Variants in MSN observed in about 807,000 individuals in gnomAD.
MSN encodes the protein epididymis luminal protein 70.
A neutral mutation model predicts 48.0 loss-of-function variants in MSN; 2 were observed. The observed-to-expected ratio is 0.04, with a 90% confidence interval of 0.02 to 0.13. The LOEUF (loss-of-function observed/expected upper bound fraction) is 0.13, where lower values mean the gene tolerates loss of function less well. MSN is among the 10% of genes least tolerant of loss of function. The probability of loss-of-function intolerance (pLI) is 1.00; values close to 1 mark genes in which losing one functional copy is unlikely to be tolerated. For missense variants in MSN, 267 were observed against 470.1 expected (o/e 0.57, Z 3.99); for synonymous variants, 146 against 166.9 (o/e 0.87, Z 0.97).
chrX:65,736,751 G>A (rs1456448365), intron 8 of MSN, 44 bp from the exon 9 acceptor site: 1 of 1,152,865 alleles, frequency 8.7e-7, no homozygotes, highest in Admixed American at 2.6e-5. Context: ...AGGCTTTTGT[G>A]GAGCGTTGTT....
At chrX:65,593,926 A>C (rs962285134) in intron 1 of MSN, among the ~76,000 whole-genome samples, 1 of 112,329 alleles carries the variant, frequency 8.9e-6, no homozygotes, top group Non-Finnish European at 1.9e-5. Flanking sequence ...ACTCACAGAC[A>C]CCTTGATTGG....
At chrX:65,707,722 C>A (rs1447651284) in intron 1 of MSN, among the ~76,000 whole-genome samples, 1 of 112,448 alleles carries the variant, frequency 8.9e-6, no homozygotes, top group Admixed American at 9.4e-5. Context: ...GAAAAGAAGA[C>A]CATGGGTGCC....
chrX:65,622,713 T>G (rs2070462703), intron 1 of MSN, among the ~76,000 whole-genome samples: 1 of 109,527 alleles, frequency 9.1e-6, no homozygotes, highest in African/African-American at 3.3e-5. Context: ...GACAGGGTTT[T>G]GCTATGTTGG....
intron 1 of MSN, among the ~76,000 whole-genome samples, chrX:65,635,162 C>G (rs1245672646): frequency 9.0e-6 from 1 of 111,367 alleles, no homozygotes; most frequent in Non-Finnish European, 1.9e-5. Flanking sequence ...GCCCCAGTCT[C>G]TTGGACTGTT....
intron 1 of MSN, among the ~76,000 whole-genome samples, chrX:65,695,311 A>G (rs1481366644): frequency 1.8e-5 from 2 of 109,863 alleles, no homozygotes; most frequent in African/African-American, 3.3e-5. Context: ...GACCAGCCTG[A>G]TCAACATGGT....
chrX:65,649,630 C>CGTGTGTATATGTATGTGTGTGTATAT (rs2070725095), intron 1 of MSN, among the ~76,000 whole-genome samples: 1 of 100,790 alleles, frequency 9.9e-6, no homozygotes. Flanking sequence ...TGTGTATGCG[C>CGTGTGTATATGTATGTGTGTGTATAT]GTGTGTATAT....
At chrX:65,702,588 C>T in intron 1 of MSN, among the ~76,000 whole-genome samples, 1 of 110,719 alleles carries the variant, frequency 9.0e-6, no homozygotes, top group Non-Finnish European at 1.9e-5. Flanking sequence ...ATTGCTTGAA[C>T]CCGGGAGACG....
At chrX:65,600,480 T>C (rs778987575) in intron 1 of MSN, among the ~76,000 whole-genome samples, 9 of 111,867 alleles carry the variant, frequency 8.0e-5, no homozygotes, top group Non-Finnish European at 1.7e-4. Flanking sequence ...TGCTTCTAAA[T>C]TGTGTTTGCT....
At chrX:65,646,192 C>T (rs2070694011) in intron 1 of MSN, among the ~76,000 whole-genome samples, 1 of 112,046 alleles carries the variant, frequency 8.9e-6, no homozygotes, top group Non-Finnish European at 1.9e-5. Flanking sequence ...TTTCACAGCT[C>T]AGTTGCATGT....
intron 1 of MSN, among the ~76,000 whole-genome samples, chrX:65,660,472 T>C (rs1175914871): frequency 9.0e-6 from 1 of 111,712 alleles, no homozygotes; most frequent in Non-Finnish European, 1.9e-5. Flanking sequence ...TTGGATACCT[T>C]TTATTTCTTT....
At position 65,636,776 on chromosome X, in the gene MSN, C is replaced by CAAAAAAAAAA. The variant is rs2070604946; in HGVS notation, c.-22+48165_-22+48166insAAAAAAAAAA. Reference sequence around the variant, plus strand: ...AAAAAAAAAAAAAAAAAAAAAAAACCAGAAAGAAAGAAAAGAAAAGAAGGG... The same window carrying CAAAAAAAAAA: ...AAAAAAAAAAAAAAAAAAAAAAAACCAAAAAAAAAAAGAAAGAAAGAAAAGAAAAGAAGGG... On this transcript the variant is annotated intron_variant, in intron 1 of 3. Coordinates refer to the MSN transcript ENST00000609672. 9.7e-5 allele frequency among the ~76,000 whole-genome samples: 8 copies of CAAAAAAAAAA among 82,866 alleles called. 1 individual carries two copies. The highest frequency in any genetic ancestry group is 4.8e-4 in the African/African-American group (8 of 16,589). 72.0% of individuals were successfully genotyped at this position (82,866 alleles called of 115,157 possible).
At chrX:65,592,397 T>C (rs769414388) in intron 1 of MSN, among the ~76,000 whole-genome samples, 1 of 108,243 alleles carries the variant, frequency 9.2e-6, no homozygotes, top group African/African-American at 3.4e-5. Context: ...GATTTCACCA[T>C]GTTGGCCAGG....
chrX:65,688,264 G>A (rs1455435947), intron 1 of MSN, among the ~76,000 whole-genome samples: 1 of 112,017 alleles, frequency 8.9e-6, no homozygotes, highest in Admixed American at 9.5e-5. Context: ...TTAAAATAGA[G>A]ACAGGGTTTC....
intron 1 of MSN, among the ~76,000 whole-genome samples, chrX:65,618,159 G>T (rs901182553): frequency 1.3e-4 from 14 of 111,969 alleles, no homozygotes; most frequent in Non-Finnish European, 2.1e-4. Context: ...AGTGCCATGT[G>T]ATGCTGACAA....
intron 1 of MSN, among the ~76,000 whole-genome samples, chrX:65,707,961 T>C (rs1382682411): frequency 1.8e-5 from 2 of 112,245 alleles, no homozygotes; most frequent in Non-Finnish European, 3.8e-5. Context: ...GGCCTTGTCC[T>C]CATGACTTAG....
intron 1 of MSN, among the ~76,000 whole-genome samples, chrX:65,635,942 T>C (rs1441829240): frequency 8.9e-6 from 1 of 112,288 alleles, no homozygotes; most frequent in Non-Finnish European, 1.9e-5. Context: ...GCGCTATTAA[T>C]ATCACTCCTT....
upstream of MSN, among the ~76,000 whole-genome samples, chrX:65,664,320 G>A (rs1293928893): frequency 2.7e-5 from 3 of 111,478 alleles, no homozygotes; most frequent in South Asian, 1.1e-3. Context: ...AAAACTACTA[G>A]AGGTGGGAGG....
intron 2 of MSN, among the ~76,000 whole-genome samples, chrX:65,718,025 C>T (rs1158049256): frequency 1.8e-5 from 2 of 111,592 alleles, no homozygotes; most frequent in Non-Finnish European, 3.8e-5. Flanking sequence ...AGCTTGGGTA[C>T]ACCTTCTGAG....
chrX:65,711,022 C>G (rs755852013), intron 1 of MSN, among the ~76,000 whole-genome samples: 1 of 103,371 alleles, frequency 9.7e-6, no homozygotes, highest in African/African-American at 3.6e-5. Context: ...GTAGCTGGGA[C>G]TACAGGCGTG....
Sources: allele counts gnomAD v4.1 joint callset (sites outside exome capture counted in the v4.1 genomes callset), GRCh38; gene constraint gnomAD v4.1.1; transcripts MANE v1.5; gene names NCBI Gene and HGNC (gene_info 2026-07-23, HGNC 2026-07-21).